The following ZC3H4 variants were observed in gnomAD, a reference collection of about 807,000 sequenced individuals.
ZC3H4 encodes zinc finger CCCH-type containing 4.
In ZC3H4, 13 loss-of-function variants were observed where a neutral mutation model predicts 108.3. The observed-to-expected ratio is 0.12, with a 90% CI of 0.08 to 0.19. ZC3H4 has a LOEUF of 0.19. ZC3H4 is among the 10% of genes least tolerant of loss of function. ZC3H4 has a pLI of 1.00. For synonymous variants in ZC3H4, 917 were observed against 749.6 expected, an observed-to-expected ratio of 1.22 and a Z score of -3.65; for missense variants, 1,734 against 1,838.8, an observed-to-expected ratio of 0.94 and a Z score of 1.04.
intron 11 of ZC3H4, among the ~76,000 whole-genome samples, chr19:47,080,571 C>T (rs1197250386): frequency 2.0e-5 from 3 of 152,176 alleles, no homozygotes; most frequent in Non-Finnish European, 4.4e-5. Context: ...TCATGGCTCA[C>T]TGCAGCCTCA....
chr19:47,069,975 C>T (rs961317989), intron 13 of ZC3H4, among the ~76,000 whole-genome samples: 2 of 152,196 alleles, frequency 1.3e-5, no homozygotes, highest in East Asian at 1.9e-4. Flanking sequence ...CACCTCACCC[C>T]ACACACTCCC....
At position 47,079,753 on chromosome 19, in the gene ZC3H4, G is replaced by A. The variant is rs1483810384; in HGVS notation, c.1440+1760C>T. Among the ~76,000 whole-genome samples, 7 of 152,314 alleles carry A rather than the reference G, an allele frequency of 4.6e-5. No individual in the cohort carries two copies. The East Asian group carries it at 5.8e-4, about 13-fold the overall frequency. ...TCTACTGAAAATAGCTGGGCGCAGC[G>A]GCATGCGCCTGTAGTCCCAGCTACT... On this transcript the variant is annotated intron_variant, in intron 11 of 14. Transcript: ENST00000253048.
At chr19:47,068,497 T>C (rs562920591) in intron 14 of ZC3H4, among the ~76,000 whole-genome samples, 2 of 152,276 alleles carry the variant, frequency 1.3e-5, no homozygotes, top group South Asian at 4.1e-4. Context: ...AGACATGGGC[T>C]CAAGCAAAAC....
intron 2 of ZC3H4, among the ~76,000 whole-genome samples, chr19:47,103,684 TG>T (rs2057931620): frequency 6.7e-6 from 1 of 149,776 alleles, no homozygotes. Flanking sequence ...CCCAGCACTT[TG>T]GGAGGACGAG....
At chr19:47,078,247 G>A (rs189210748) in intron 11 of ZC3H4, among the ~76,000 whole-genome samples, 30 of 152,294 alleles carry the variant, frequency 2.0e-4, no homozygotes, top group Admixed American at 1.9e-3. Context: ...CACGAGGTAG[G>A]TGGCTTATTT....
chr19:47,082,280 A>G lies in ZC3H4; in HGVS notation c.1234T>C (p.Phe412Leu). 6.2e-7 allele frequency: 1 copy of G among 1,613,462 alleles called. No homozygotes were observed. Among genetic ancestry groups the G allele is most frequent in the Non-Finnish European group, 8.5e-7 (1 of 1,179,396 alleles). Reference protein sequence around the residue: ...GRCTWGDHCNFSHDIELPKKR... With the variant: ...GRCTWGDHCNLSHDIELPKKR... Reference sequence around the variant, plus strand: ...TTTGGGAGTTCGATGTCATGGCTAAAATTACAGTGGTCTCCCTAGAAGAGA... The same window carrying G: ...TTTGGGAGTTCGATGTCATGGCTAAGATTACAGTGGTCTCCCTAGAAGAGA... The change falls in exon 10 of 15, where the codon TTT (phenylalanine) becomes CTT (leucine). Residue 412 changes from phenylalanine to leucine, a missense_variant. Around this residue, in one of 9 missense-constraint regions of ZC3H4, gnomAD observed 66 missense variants for 166.8 expected, o/e 0.40. Coordinates refer to ENST00000253048, the MANE Select transcript of ZC3H4 (RefSeq NM_015168.2).
chr19:47,071,732 G>A, intron 13 of ZC3H4, 46 bp downstream of exon 13: 1 of 1,543,304 alleles, frequency 6.5e-7, no homozygotes, highest in Non-Finnish European at 8.7e-7. Context: ...TGCTCCACTG[G>A]GTAAAGCCTG....
rs371115381 is a variant in ZC3H4, at chr19:47,066,556, G to C, written c.3712C>G (p.Pro1238Ala). Residue 1238 changes from proline to alanine, a missense_variant, in exon 15 of 15, where the codon CCC becomes GCC. By Grantham distance (27) the Pro-to-Ala change is conservative (BLOSUM62 -1). Transcript: ENST00000253048. ...APAATTATPP[P>A]EGAPPQPGVH... ...CCGGGCTGGGGTGGGGCACCCTCGG[G>C]GGGTGGGGTGGCGGTGGTGGCAGCG... 1 of 1,576,208 alleles carries C rather than the reference G, an allele frequency of 6.3e-7. No individual in the cohort carries two copies. The highest frequency in any genetic ancestry group is 8.6e-7 in the Non-Finnish European group (1 of 1,161,076).
chr19:47,079,724 C>T lies in ZC3H4; in HGVS notation c.1440+1789G>A, dbSNP rs148772431. ...CAACCTGGCCAACATGGTGAAACCC[C>T]GTCTCTACTGAAAATAGCTGGGCGC... On this transcript the variant is annotated intron_variant, in intron 11 of 14. Coordinates refer to ENST00000253048, the MANE Select transcript of ZC3H4 (RefSeq NM_015168.2). Among the ~76,000 whole-genome samples the T allele has an allele frequency of 6.1e-3, 933 of 152,244 alleles. 12 individuals carry two copies. Among genetic ancestry groups the T allele is most frequent in the African/African-American group, 0.021 (883 of 41,550 alleles).
At chr19:47,076,322 C>CGT (rs1235676132) in intron 11 of ZC3H4, among the ~76,000 whole-genome samples, 12 of 73,476 alleles carry the variant, frequency 1.6e-4, no homozygotes, top group East Asian at 4.7e-4. Flanking sequence ...CGTGCGCGCG[C>CGT]GCGCACACAC....
rs1281988107 is a variant in ZC3H4 at position 47,067,576 on chromosome 19, T to G, written c.2692A>C (p.Thr898Pro). 6.2e-7 allele frequency: 1 copy of G among 1,602,136 alleles called. No individual in the cohort carries two copies. Among genetic ancestry groups the G allele is most frequent in the Non-Finnish European group, 8.5e-7 (1 of 1,175,132 alleles). The change falls in exon 15 of 15, where the codon ACC (threonine) becomes CCC (proline). Residue 898 changes from threonine (T) to proline (P), a missense_variant. Physicochemically the swap from Thr to Pro is conservative, Grantham distance 38. This residue lies in a region of ZC3H4 where 540 missense variants were observed against 484.1 expected (regional missense o/e 1.12). Coordinates refer to ENST00000253048, the MANE Select transcript of ZC3H4 (RefSeq NM_015168.2). The surrounding 1 kb of genome is among the most constrained non-coding windows in gnomAD (Gnocchi z 6.4). ...TGAAGGCTGCCTTCGGGCTTGGAGG[T>G]GGGCAGGGCGCGAGCCAGCCGAGGA... The part of the protein sequence containing the change: ...SDPRLARALP[T>P]SKPEGSLHSS...
chr19:47,088,385 C>T (rs780959169), intron 5 of ZC3H4, among the ~76,000 whole-genome samples: 37 of 151,296 alleles, frequency 2.4e-4, no homozygotes, highest in Admixed American at 4.6e-4. Context: ...CCCATCTCTA[C>T]TAAAAATACA....
At position 47,067,560 on chromosome 19, in the gene ZC3H4, C is replaced by A. The variant is rs755188322; in HGVS notation, c.2708G>T (p.Gly903Val). 1 of 1,602,304 alleles carries A rather than the reference C, an allele frequency of 6.2e-7. No homozygotes were observed. The highest frequency in any genetic ancestry group is 8.5e-7 in the Non-Finnish European group (1 of 1,174,426). ...GCCCACAGGGCTGGAATGAAGGCTG[C>A]CTTCGGGCTTGGAGGTGGGCAGGGC... The part of the protein sequence containing the change: ...ARALPTSKPE[G>V]SLHSSPVGPS... Residue 903 changes from glycine to valine, a missense_variant, in exon 15 of 15, where the codon GGC becomes GTC. Physicochemically the swap from Gly to Val is moderately radical, Grantham distance 109. Transcript: ENST00000253048. The surrounding 1 kb of genome is among the most constrained non-coding windows in gnomAD (Gnocchi z 6.4).
intron 11 of ZC3H4, among the ~76,000 whole-genome samples, chr19:47,077,572 A>G (rs2057445573): frequency 6.6e-6 from 1 of 151,508 alleles, no homozygotes; most frequent in Non-Finnish European, 1.5e-5. Context: ...ATGGATTCTC[A>G]GCTAGGCATG....
chr19:47,082,304 G>T lies in ZC3H4; in HGVS notation c.1219-9C>A. ...AAATTACAGTGGTCTCCCTAGAAGA[G>T]AAGCAACAAAAACATAAGGTGGTGG... On this transcript the variant is annotated splice_polypyrimidine_tract_variant and intron_variant, in intron 9 of 14. Transcript: ENST00000253048. The T allele has an allele frequency of 6.2e-7, 1 of 1,600,880 alleles. No individual in the cohort carries two copies. Among genetic ancestry groups the T allele is most frequent in the Non-Finnish European group, 8.6e-7 (1 of 1,167,778 alleles).
chr19:47,094,695 C>T (rs1600089671), intron 2 of ZC3H4, 87 bp from the exon 3 acceptor site: 5 of 1,400,184 alleles, frequency 3.6e-6, no homozygotes, highest in East Asian at 2.3e-5. Context: ...TGACAGGAAC[C>T]GAAGGCCTGA....
rs763128799 is a variant in ZC3H4, at chr19:47,067,274, C to A, written c.2994G>T (p.Val998=). ...PIPKQDAVPP[V]PAALQSMPTL... ...TGGGCATGGATTGCAGGGCCGCGGG[C>A]ACGGGGGGCACTGCGTCCTGCTTGG... Residue 998 remains valine, a synonymous_variant, in exon 15 of 15, where the codon GTG becomes GTT. Coordinates refer to ENST00000253048, the MANE Select transcript of ZC3H4 (RefSeq NM_015168.2). The surrounding 1 kb of genome is among the most constrained non-coding windows in gnomAD (Gnocchi z 6.4). 4 of 1,587,996 alleles carry A rather than the reference C, an allele frequency of 2.5e-6. No individual in the cohort carries two copies. The East Asian group carries it at 6.7e-5, about 27-fold the overall frequency.
chr19:47,096,862 C>G (rs925673717), intron 2 of ZC3H4: 1 of 985,324 alleles, frequency 1.0e-6, no homozygotes, highest in Non-Finnish European at 1.2e-6. Flanking sequence ...ATCATCAGGG[C>G]TGGGTCAGCT....
At position 47,067,198 on chromosome 19, in the gene ZC3H4, G is replaced by A. The variant is rs759357646; in HGVS notation, c.3070C>T (p.Arg1024Trp). ...RAATAGPPNA[R>W]QRPGASTDSS... ...TCCGTGGAGGCGCCCGGGCGCTGCC[G>A]GGCGTTGGGGGGCCCTGCCGTGGCA... The change falls in exon 15 of 15, where the codon CGG becomes TGG. Residue 1024 changes from arginine (R) to tryptophan (W), a missense_variant. Around this residue, in one of 9 missense-constraint regions of ZC3H4, gnomAD observed 518 missense variants for 499.6 expected, o/e 1.04. Coordinates refer to ENST00000253048, the MANE Select transcript of ZC3H4 (RefSeq NM_015168.2). This position sits in a 1 kb window ranked among gnomAD's most constrained non-coding sequence, Gnocchi z 6.4. The A allele has an allele frequency of 4.1e-5, 66 of 1,610,176 alleles. 1 individual carries two copies. Among genetic ancestry groups the A allele is most frequent in the South Asian group, 1.6e-4 (15 of 90,912 alleles).
Sources: gnomAD v4.1 joint callset for allele counts (sites outside exome capture counted in the v4.1 genomes callset) on GRCh38, gnomAD v4.1.1 for gene constraint, gnomAD v4.1.1 regional missense constraint, Gnocchi (gnomAD v3.1) non-coding constraint, MANE v1.5 for transcripts, NCBI Gene and HGNC (gene_info 2026-07-23, HGNC 2026-07-21) for gene names.